Variants in PADI2 observed in about 807,000 individuals in gnomAD.
PADI2 encodes protein-arginine deiminase type-2.
A neutral mutation model predicts 81.1 loss-of-function variants in PADI2; 70 were observed. The observed-to-expected ratio is 0.86, with a 90% CI of 0.71 to 1.05. PADI2 has a LOEUF of 1.05. PADI2 is among the 50% of genes least tolerant of loss of function. The pLI is 0.00. For missense variants in PADI2, 853 were observed against 889.9 expected (o/e 0.96, Z 0.53); for synonymous variants, 338 against 358.0 (o/e 0.94, Z 0.63).
chr1:17,097,723 AG>A, intron 3 of PADI2, among the ~76,000 whole-genome samples: 1 of 151,754 alleles, frequency 6.6e-6, no homozygotes, highest in Non-Finnish European at 1.5e-5. Flanking sequence ...GTGCAGGATA[AG>A]GACCCCAGGG....
chr1:17,104,830 C>G (rs1267253734), intron 2 of PADI2, 48 bp downstream of exon 2: 1 of 1,487,894 alleles, frequency 6.7e-7, no homozygotes, highest in South Asian at 1.3e-5. Context: ...CTGCCTCTAT[C>G]CTGGCATGGT....
rs1256953051 is a variant in PADI2 at position 17,117,863 on chromosome 1, AG to A, written c.92+1416del. ...GTTCAGGGCTGGGGGTGGGGAAGGC[AG>A]GGGAGCTCTTGCACCCCACCAGAGC... On this transcript the variant is annotated intron_variant, in intron 1 of 15. Transcript: ENST00000375486. 3.9e-5 allele frequency among the ~76,000 whole-genome samples: 6 copies of A among 152,274 alleles called. 1 individual carries two copies. Among genetic ancestry groups the A allele is most frequent in the Middle Eastern group, 3.4e-3 (1 of 294 alleles).
intron 6 of PADI2, 37 bp from the exon 7 acceptor site, chr1:17,086,736 C>T: frequency 6.3e-7 from 1 of 1,589,942 alleles, no homozygotes; most frequent in South Asian, 1.1e-5. Context: ...CTCCCACCCG[C>T]ATCAGAAAGA....
chr1:17,086,469 C>T lies in PADI2; in HGVS notation c.834+52G>A, dbSNP rs917101890. ...TAGGAATGGCCCACTAGTAGGAGAC[C>T]CACCCTGGCCCCTGGGGTTAGCCCC... On this transcript the variant is annotated intron_variant, in intron 7 of 15. Coordinates refer to ENST00000375486, the MANE Select transcript of PADI2 (RefSeq NM_007365.3). The T allele has an allele frequency of 2.7e-6, 4 of 1,483,342 alleles. No individual in the cohort carries two copies. In the African/African-American group the frequency reaches 5.6e-5, roughly 21 times the overall value. 91.9% of individuals were successfully genotyped at this position (1,483,342 alleles called of 1,614,324 possible).
At chr1:17,069,709 A>C (rs2078251583) in intron 15 of PADI2, among the ~76,000 whole-genome samples, 1 of 152,008 alleles carries the variant, frequency 6.6e-6, no homozygotes, top group Non-Finnish European at 1.5e-5. Context: ...ACATGTGTTT[A>C]TGTGTGCTCA....
chr1:17,075,942 A>G, intron 11 of PADI2, 119 bp from the exon 12 acceptor site: 1 of 916,566 alleles, frequency 1.1e-6, no homozygotes. Flanking sequence ...GAGAAGTCCC[A>G]GGAAGGAGAC....
At chr1:17,079,668 GTGTGAA>G (rs1465735668) in intron 10 of PADI2, among the ~76,000 whole-genome samples, 3 of 151,840 alleles carry the variant, frequency 2.0e-5, no homozygotes, top group Non-Finnish European at 4.4e-5. Flanking sequence ...GTGAGTGTGA[GTGTGAA>G]TGTGAGTGTG....
rs759850259 is a variant in PADI2, at chr1:17,105,056, G to A, written c.98C>T (p.Ala33Val). 4 of 1,571,768 alleles carry A rather than the reference G, an allele frequency of 2.5e-6. No homozygotes were observed. Among genetic ancestry groups the A allele is most frequent in the Non-Finnish European group, 2.6e-6 (3 of 1,153,232 alleles). ...TYLWTDVYSAAPAGAQTFSLK... is the reference protein window; with the variant it reads ...TYLWTDVYSAVPAGAQTFSLK... ...GCTGAAGGTTTGGGCCCCGGCTGGG[G>A]CCGCGCTGTGGGGAGAGATGAGAGA... is the stretch of plus-strand genomic sequence containing the variant. The change falls in exon 2 of 16, where the codon GCC becomes GTC. Residue 33 changes from alanine (A) to valine (V), a missense_variant. Coordinates refer to ENST00000375486, the MANE Select transcript of PADI2 (RefSeq NM_007365.3).
rs751240921 is a variant in PADI2 at position 17,069,173 on chromosome 1, C to T, written c.1869G>A (p.Glu623=). The T allele has an allele frequency of 6.2e-7, 1 of 1,614,224 alleles. No individual in the cohort carries two copies. The highest frequency in any genetic ancestry group is 1.7e-5 in the Admixed American group (1 of 60,028). Residue 623 remains glutamate, a synonymous_variant, in exon 16 of 16, where the codon GAG becomes GAA. Transcript: ENST00000375486. ...TGAAGGTGCATTCGAGGCCCAGGGG[C>T]TCCAGGAGGCCACGCACGTGCATCT... The part of the protein sequence containing the change: ...CLEMHVRGLL[E]PLGLECTFID...
rs574917218 is a variant in PADI2 at position 17,104,790 on chromosome 1, G to T, written c.276+88C>A. ...ACTGAAAATGACACATGGCCCACGT[G>T]CAGTTTCTATGGGACAGGGCTGGTC... On this transcript the variant is annotated intron_variant, in intron 2 of 15. Transcript: ENST00000375486. 5.3e-6 allele frequency: 6 copies of T among 1,128,668 alleles called. No homozygotes were observed. In the East Asian group the frequency reaches 1.1e-4, roughly 20 times the overall value. 69.9% of individuals were successfully genotyped at this position (1,128,668 alleles called of 1,614,324 possible). A position where few individuals can be genotyped will look rare whatever the true frequency, so the allele number is the denominator to read the frequency against.
At chr1:17,085,306 G>T (rs1182936696) in intron 7 of PADI2, among the ~76,000 whole-genome samples, 1 of 152,214 alleles carries the variant, frequency 6.6e-6, no homozygotes, top group Non-Finnish European at 1.5e-5. Context: ...GCTTTCAAAA[G>T]ATATAGGAAA....
rs1931311628 is a variant in PADI2, at chr1:17,105,005, A to G, written c.149T>C (p.Val50Ala). Reference protein sequence around the residue: ...FSLKHSEHVWVEVVRDGEAEE... With the variant: ...FSLKHSEHVWAEVVRDGEAEE... ...AGCCTCCCCATCACGCACCACCTCC[A>G]CCCACACGTGTTCCGAGTGCTTCAG... is the stretch of plus-strand genomic sequence containing the variant. The change falls in exon 2 of 16, where the codon GTG becomes GCG. Residue 50 changes from valine to alanine, a missense_variant. Val to Ala is a moderately conservative substitution (Grantham distance 64). Transcript: ENST00000375486. 6.2e-7 allele frequency: 1 copy of G among 1,608,232 alleles called. No homozygotes were observed. Among genetic ancestry groups the G allele is most frequent in the African/African-American group, 1.3e-5 (1 of 74,780 alleles).
In PADI2 at chr1:17,071,332, C is replaced by T. The variant is rs535749471; in HGVS notation, c.1635+74G>A. ...AGCCCTTGGCCATTCTCTACGGAAG[C>T]CCCAAGGATGTAAGGGCCTGAGCCT... On this transcript the variant is annotated intron_variant, in intron 14 of 15. Transcript: ENST00000375486. The T allele has an allele frequency of 1.5e-4, 166 of 1,119,644 alleles. No homozygotes were observed. In the African/African-American group the frequency reaches 2.3e-3, roughly 16 times the overall value. 69.4% of individuals were successfully genotyped at this position (1,119,644 alleles called of 1,614,324 possible).
intron 1 of PADI2, among the ~76,000 whole-genome samples, chr1:17,117,130 ACT>A (rs1217822844): frequency 6.6e-6 from 1 of 152,048 alleles, no homozygotes. Context: ...AGATTGAGAA[ACT>A]CTGCACTAGA....
intron 11 of PADI2, among the ~76,000 whole-genome samples, chr1:17,076,065 A>G (rs2078300186): frequency 6.6e-6 from 1 of 152,202 alleles, no homozygotes; most frequent in Non-Finnish European, 1.5e-5. Context: ...CCCAGGCTTC[A>G]GCCCTTGAGG....
intron 14 of PADI2, among the ~76,000 whole-genome samples, chr1:17,070,766 A>T (rs2078259747): frequency 6.6e-6 from 1 of 151,920 alleles, no homozygotes; most frequent in Non-Finnish European, 1.5e-5. Context: ...GGTTCAAGTG[A>T]TTCTTCTGCC....
chr1:17,086,725 A>G (rs1216558099), intron 6 of PADI2, 26 bp from the exon 7 acceptor site: 1 of 1,601,160 alleles, frequency 6.2e-7, no homozygotes, highest in Admixed American at 1.7e-5. Flanking sequence ...CCAACGTCAG[A>G]CTCCCACCCG....
In PADI2 at chr1:17,088,906, CAAAAAAAAAAAAA is replaced by C. The variant is rs753463253; in HGVS notation, c.656-2220_656-2208del. Among the ~76,000 whole-genome samples, 3 of 38,820 alleles carry C rather than the reference CAAAAAAAAAAAAA, an allele frequency of 7.7e-5. No homozygotes were observed. In the South Asian group the frequency reaches 3.5e-3, roughly 46 times the overall value. 25.5% of individuals were successfully genotyped at this position (38,820 alleles called of 152,430 possible). On this transcript the variant is annotated intron_variant, in intron 6 of 15. Coordinates refer to ENST00000375486, the MANE Select transcript of PADI2 (RefSeq NM_007365.3). Reference sequence around the variant, plus strand: ...TGGGCGACAGAGCGAGACTCCATCTCAAAAAAAAAAAAAAAAAAAAAAAAACCAAGCCTCAGAG... The same window carrying C: ...TGGGCGACAGAGCGAGACTCCATCTCAAAAAAAAAAAACCAAGCCTCAGAG...
chr1:17,078,978 G>A (rs1222961141), intron 11 of PADI2: 1 of 212,728 alleles, frequency 4.7e-6, no homozygotes, highest in Non-Finnish European at 9.4e-6. Context: ...TTACAGGTGA[G>A]AGCCACCGTG....
Sources: allele counts gnomAD v4.1 joint callset (sites outside exome capture counted in the v4.1 genomes callset), GRCh38; gene constraint gnomAD v4.1.1; transcripts MANE v1.5; gene names NCBI Gene and HGNC (gene_info 2026-07-23, HGNC 2026-07-21).